Variants in PHC2 observed in about 807,000 individuals in gnomAD.
The protein encoded by PHC2 is polyhomeotic homolog 2.
In PHC2, 29 loss-of-function variants were observed where a neutral mutation model predicts 87.4. The observed-to-expected ratio is 0.33, with a 90% CI of 0.25 to 0.45. The LOEUF is 0.45. PHC2 is among the 20% of genes least tolerant of loss of function. The probability of loss-of-function intolerance (pLI) is 1.00; values close to 1 mark genes in which losing one functional copy is unlikely to be tolerated. For synonymous variants in PHC2, 438 were observed against 461.7 expected (o/e 0.95, Z 0.66); for missense variants, 857 against 1,136.7 (o/e 0.75, Z 3.54).
At chr1:33,424,112 CA>C (rs1212690881) in intron 1 of PHC2, among the ~76,000 whole-genome samples, 2 of 137,348 alleles carry the variant, frequency 1.5e-5, no homozygotes, top group East Asian at 2.1e-4. Flanking sequence ...AAAAAAAAAA[CA>C]AAAAAAACAA....
chr1:33,382,734 T>C lies in PHC2; in HGVS notation c.-54-7141A>G, dbSNP rs1264131479. ...ACAGGTCTCTGCTGCCCACAGGGCCTGAGACCAGCAGCTGGAGAAACGCTG... is the reference window on the plus strand; with the variant it reads ...ACAGGTCTCTGCTGCCCACAGGGCCCGAGACCAGCAGCTGGAGAAACGCTG... On this transcript the variant is annotated intron_variant, in intron 1 of 14. Coordinates refer to ENST00000683057, the MANE Select transcript of PHC2 (RefSeq NM_001385109.1). The surrounding 1 kb of genome is among the most constrained non-coding windows in gnomAD (Gnocchi z 4.3). 6.6e-6 allele frequency among the ~76,000 whole-genome samples: 1 copy of C among 152,202 alleles called. No individual in the cohort carries two copies. Among genetic ancestry groups the C allele is most frequent in the Non-Finnish European group, 1.5e-5 (1 of 68,032 alleles).
At chr1:33,419,267 T>C (rs77462190) in intron 1 of PHC2, among the ~76,000 whole-genome samples, 140 of 152,354 alleles carry the variant, frequency 9.2e-4, no homozygotes, top group Non-Finnish European at 1.6e-3. Context: ...AGCAGTATGA[T>C]AAGTGACTAC....
At chr1:33,394,150 T>C (rs1315750365) in intron 1 of PHC2, among the ~76,000 whole-genome samples, 1 of 152,114 alleles carries the variant, frequency 6.6e-6, no homozygotes, top group East Asian at 1.9e-4. Flanking sequence ...GAAACCATAT[T>C]TTACAGAAAA....
chr1:33,359,852 G>C (rs1375280028), intron 7 of PHC2, among the ~76,000 whole-genome samples: 3 of 152,152 alleles, frequency 2.0e-5, no homozygotes, highest in African/African-American at 7.2e-5. Context: ...GGGATCTCCA[G>C]GGCATCATGT....
chr1:33,417,857 G>A (rs1286145133), intron 1 of PHC2, among the ~76,000 whole-genome samples: 4 of 152,004 alleles, frequency 2.6e-5, no homozygotes, highest in Non-Finnish European at 5.9e-5. Flanking sequence ...AAATTTAAGA[G>A]AACTGAAATC....
At chr1:33,343,314 AAAAT>A (rs1553184335) in intron 9 of PHC2, among the ~76,000 whole-genome samples, 2 of 151,672 alleles carry the variant, frequency 1.3e-5, no homozygotes, top group Non-Finnish European at 2.9e-5. Context: ...TACAAAAAAA[AAAAT>A]AAATAACTGG....
At chr1:33,429,577 T>C (rs1460844003) in intron 1 of PHC2, among the ~76,000 whole-genome samples, 1 of 152,254 alleles carries the variant, frequency 6.6e-6, no homozygotes, top group Non-Finnish European at 1.5e-5. Context: ...CCCTCCTCTG[T>C]GCTTCCAAAG....
At chr1:33,348,144 C>T (rs1415298764) in intron 9 of PHC2, among the ~76,000 whole-genome samples, 2 of 152,202 alleles carry the variant, frequency 1.3e-5, no homozygotes, top group African/African-American at 2.4e-5. Flanking sequence ...GCCTCTTGCC[C>T]GATAACCAAC....
chr1:33,388,315 G>A (rs1648861730), intron 1 of PHC2, among the ~76,000 whole-genome samples: 1 of 145,352 alleles, frequency 6.9e-6, no homozygotes, highest in Non-Finnish European at 1.5e-5. Flanking sequence ...GCTAATGACA[G>A]CAATTTTTTT....
At chr1:33,419,179 C>T (rs556002686) in intron 1 of PHC2, among the ~76,000 whole-genome samples, 5 of 152,136 alleles carry the variant, frequency 3.3e-5, no homozygotes, top group East Asian at 3.9e-4. Context: ...ACATGTTTGC[C>T]GAAATTATTA....
At chr1:33,363,166 G>C (rs1332058360) in intron 7 of PHC2, 2 of 152,202 alleles carry the variant, frequency 1.3e-5, no homozygotes, top group Non-Finnish European at 2.9e-5. Context: ...GTGTCAGTCT[G>C]CTTTCTCTCT....
In PHC2 at chr1:33,334,985, TG is replaced by T. The variant is rs1477788177; in HGVS notation, c.1559-694del. ...ATTTTCTCTGCTGTTTCTGCTGAGC[TG>T]AGTGCTCTCAAAATCAGTCCTCATG... On this transcript the variant is annotated intron_variant, in intron 9 of 14. Transcript: ENST00000683057. The surrounding 1 kb of genome is among the most constrained non-coding windows in gnomAD (Gnocchi z 5.5). Among the ~76,000 whole-genome samples the T allele has an allele frequency of 4.6e-5, 7 of 152,230 alleles. No individual in the cohort carries two copies. Among genetic ancestry groups the T allele is most frequent in the South Asian group, 2.1e-4 (1 of 4,830 alleles).
chr1:33,398,771 G>C (rs753824558), intron 1 of PHC2, among the ~76,000 whole-genome samples: 1 of 152,178 alleles, frequency 6.6e-6, no homozygotes, highest in Non-Finnish European at 1.5e-5. Flanking sequence ...CTTTTTGGTA[G>C]TTTTCAGAGC....
chr1:33,409,677 A>G (rs1649907270), intron 1 of PHC2, among the ~76,000 whole-genome samples: 1 of 152,236 alleles, frequency 6.6e-6, no homozygotes, highest in African/African-American at 2.4e-5. Flanking sequence ...AGAGAAGTCC[A>G]CATTCTTCCA....
chr1:33,416,433 A>G (rs1650207323), intron 1 of PHC2, among the ~76,000 whole-genome samples: 1 of 151,278 alleles, frequency 6.6e-6, no homozygotes, highest in African/African-American at 2.4e-5. Context: ...AAAATTAGCC[A>G]GGCATGGTGG....
intron 1 of PHC2, among the ~76,000 whole-genome samples, chr1:33,427,435 G>A (rs1650724655): frequency 6.6e-6 from 1 of 152,150 alleles, no homozygotes; most frequent in Non-Finnish European, 1.5e-5. Context: ...GCTTGACTGT[G>A]CTGCCTTCAC....
At chr1:33,420,995 A>G (rs1433375418) in intron 1 of PHC2, among the ~76,000 whole-genome samples, 1 of 152,244 alleles carries the variant, frequency 6.6e-6, no homozygotes, top group Non-Finnish European at 1.5e-5. Flanking sequence ...TGAGGATTAA[A>G]TAAGAATTAA....
At chr1:33,404,801 T>C (rs1649685308) in intron 1 of PHC2, among the ~76,000 whole-genome samples, 1 of 152,216 alleles carries the variant, frequency 6.6e-6, no homozygotes, top group Non-Finnish European at 1.5e-5. Context: ...TTGAATGATA[T>C]GAAGAATAAC....
chr1:33,425,024 C>T (rs1052400178), intron 1 of PHC2, among the ~76,000 whole-genome samples: 1 of 152,118 alleles, frequency 6.6e-6, no homozygotes, highest in African/African-American at 2.4e-5. Flanking sequence ...GGCATGGTGT[C>T]GGGAAAAGAG....
Sources: allele counts gnomAD v4.1 joint callset (sites outside exome capture counted in the v4.1 genomes callset), GRCh38; gene constraint gnomAD v4.1.1; non-coding constraint Gnocchi (gnomAD v3.1); transcripts MANE v1.5; gene names NCBI Gene and HGNC (gene_info 2026-07-23, HGNC 2026-07-21).